COQ8A: variants seen among roughly 807,000 people sequenced by gnomAD.
COQ8A encodes atypical kinase COQ8A, mitochondrial.
Under a neutral mutation model 65.0 loss-of-function variants are expected in COQ8A, and 51 were observed. The observed-to-expected ratio is 0.78, with a 90% CI of 0.63 to 0.99. The LOEUF (loss-of-function observed/expected upper bound fraction) is 0.99, where lower values mean the gene tolerates loss of function less well. Among genes scored for constraint, COQ8A ranks in the 50% least tolerant of loss-of-function variants. COQ8A has a pLI of 0.00. For synonymous variants in COQ8A, 371 were observed against 353.2 expected (o/e 1.05, Z -0.57); for missense variants, 940 against 875.0 (o/e 1.07, Z -0.94).
At chr1:226,962,627 G>A (rs1278997654) in intron 2 of COQ8A, among the ~76,000 whole-genome samples, 4 of 152,182 alleles carry the variant, frequency 2.6e-5, no homozygotes, top group Non-Finnish European at 4.4e-5. Flanking sequence ...AAAGGTCACC[G>A]CCCTCCTGCA....
chr1:226,951,277 A>T (rs114007260), intron 1 of COQ8A, among the ~76,000 whole-genome samples: 5,233 of 152,306 alleles, frequency 0.034, 314 homozygotes, highest in African/African-American at 0.12. Context: ...ATGATTTTAT[A>T]TCAGCCCAAG....
Position 226,961,496 on chromosome 1 carries a change from C to T in COQ8A, c.111C>T (p.Ile37=). 6 of 1,613,930 alleles carry T rather than the reference C, an allele frequency of 3.7e-6. No individual in the cohort carries two copies. The highest frequency in any genetic ancestry group is 5.1e-6 in the Non-Finnish European group (6 of 1,180,002). The change falls in exon 2 of 15, where the codon ATC becomes ATT. Residue 37 remains isoleucine (I), a synonymous_variant. Transcript: ENST00000366777. ...ACTTGGGCATCGGAGGGGAGCTGATCATGGCGGCCAGGGCCCTGCAGTCCA... is the reference window on the plus strand; with the variant it reads ...ACTTGGGCATCGGAGGGGAGCTGATTATGGCGGCCAGGGCCCTGCAGTCCA... ...LQHLGIGGEL[I]MAARALQSTA... is the part of the protein sequence containing the mutation.
intron 1 of COQ8A, among the ~76,000 whole-genome samples, chr1:226,954,119 C>T (rs1248939353): frequency 3.3e-5 from 5 of 152,258 alleles, no homozygotes; most frequent in African/African-American, 1.2e-4. Flanking sequence ...TATCATTAAA[C>T]AGTCCTTGCC....
At chr1:226,985,054 G>A in intron 13 of COQ8A, 113 bp downstream of exon 13, 9 of 1,398,104 alleles carry the variant, frequency 6.4e-6, no homozygotes, top group Non-Finnish European at 9.0e-6. Flanking sequence ...GTCCCCATCT[G>A]CGCTGCCTGC....
intron 14 of COQ8A, 26 bp downstream of exon 14, chr1:226,985,366 TGGGCCTGCTGACCCA>T: frequency 6.2e-7 from 1 of 1,610,330 alleles, no homozygotes; most frequent in Non-Finnish European, 8.5e-7. Context: ...GGGGATCCCC[TGGGCCTGCTGACCCA>T]GGGCCCGGCT....
chr1:226,948,030 C>T (rs1657149704), intron 1 of COQ8A, among the ~76,000 whole-genome samples: 1 of 152,186 alleles, frequency 6.6e-6, no homozygotes, highest in South Asian at 2.1e-4. Context: ...CCCCTCTCCC[C>T]AACCCAAGGA....
chr1:226,984,347 G>A (rs1261752815), intron 11 of COQ8A, 112 bp downstream of exon 11: 2 of 1,509,672 alleles, frequency 1.3e-6, no homozygotes, highest in East Asian at 2.3e-5. Flanking sequence ...CCCTGGGGGT[G>A]AGGGGCAGTG....
intron 14 of COQ8A, among the ~76,000 whole-genome samples, chr1:226,985,557 G>T (rs910518537): frequency 6.6e-6 from 1 of 152,210 alleles, no homozygotes; most frequent in African/African-American, 2.4e-5. Context: ...GACTTGTCGT[G>T]AAGCTCTTGT....
intron 5 of COQ8A, among the ~76,000 whole-genome samples, chr1:226,981,127 G>A (rs1282484145): frequency 2.0e-5 from 3 of 152,236 alleles, no homozygotes; most frequent in Admixed American, 6.5e-5. Context: ...CTGGAGGCCC[G>A]GCGACAAGGG....
intron 4 of COQ8A, 133 bp downstream of exon 4, chr1:226,965,870 G>C: frequency 1.1e-6 from 1 of 918,732 alleles, no homozygotes; most frequent in Non-Finnish European, 1.7e-6. Flanking sequence ...GGCCGCCCCT[G>C]CATGAGCTTT....
intron 1 of COQ8A, among the ~76,000 whole-genome samples, chr1:226,956,818 A>ACT (rs1446629920): frequency 3.2e-5 from 3 of 95,206 alleles, no homozygotes; most frequent in East Asian, 7.1e-4. Context: ...CCTGGCTGCC[A>ACT]CTCCCTGGTT....
At chr1:226,953,325 G>A (rs893860851) in intron 1 of COQ8A, among the ~76,000 whole-genome samples, 14 of 152,208 alleles carry the variant, frequency 9.2e-5, no homozygotes, top group African/African-American at 3.4e-4. Flanking sequence ...ACTGTGCCTG[G>A]CCCACAGTGT....
chr1:226,977,937 C>T (rs1342893816), intron 5 of COQ8A, among the ~76,000 whole-genome samples: 2 of 150,804 alleles, frequency 1.3e-5, no homozygotes, highest in Non-Finnish European at 3.0e-5. Context: ...CCTTGCCCAC[C>T]CACCAAACAC....
intron 5 of COQ8A, among the ~76,000 whole-genome samples, chr1:226,977,985 C>T (rs1659354409): frequency 6.7e-6 from 1 of 150,354 alleles, no homozygotes; most frequent in African/African-American, 2.5e-5. Flanking sequence ...CACTGAACAC[C>T]CACACACCTC....
chr1:226,965,805 G>A, intron 4 of COQ8A, 68 bp downstream of exon 4: 1 of 1,536,460 alleles, frequency 6.5e-7, no homozygotes, highest in Non-Finnish European at 9.0e-7. Context: ...CGGCCTGCAT[G>A]GAGGTGGGGA....
chr1:226,982,013 T>C lies in COQ8A; in HGVS notation c.731-14T>C. On this transcript the variant is annotated splice_polypyrimidine_tract_variant and intron_variant, in intron 5 of 14. Coordinates refer to ENST00000366777, the MANE Select transcript of COQ8A (RefSeq NM_020247.5). The stretch of plus-strand genomic sequence containing the variant: ...CCCCCGAGTGCCGTGGTGACCCCTC[T>C]TGCCCGCCCACAGGGAAGAAGGCCG... The C allele has an allele frequency of 6.2e-7, 1 of 1,612,886 alleles. No individual in the cohort carries two copies. Among genetic ancestry groups the C allele is most frequent in the Non-Finnish European group, 8.5e-7 (1 of 1,179,992 alleles).
At position 226,982,081 on chromosome 1, in the gene COQ8A, G is replaced by A. The variant is rs145422777; in HGVS notation, c.785G>A (p.Arg262Gln). ...SPFLSEANAERIVRTLCKVRG... is the reference protein window; with the variant it reads ...SPFLSEANAEQIVRTLCKVRG... ...TTCCTGTCCGAGGCCAATGCAGAGC[G>A]GATCGTGCGCACGCTCTGCAAGGTG... Residue 262 changes from arginine to glutamine, a missense_variant, in exon 6 of 15, where the codon CGG becomes CAG. By Grantham distance (43) the Arg-to-Gln change is conservative. Coordinates refer to ENST00000366777, the MANE Select transcript of COQ8A (RefSeq NM_020247.5). 31 of 1,612,594 alleles carry A rather than the reference G, an allele frequency of 1.9e-5. No homozygotes were observed. Among genetic ancestry groups the A allele is most frequent in the African/African-American group, 4.0e-5 (3 of 74,912 alleles).
rs1157604975 is a variant in COQ8A at position 226,946,876 on chromosome 1, C to T, written c.-10+6477C>T. On this transcript the variant is annotated intron_variant, in intron 1 of 14. Coordinates refer to ENST00000366777, the MANE Select transcript of COQ8A (RefSeq NM_020247.5). The surrounding 1 kb of genome is among the most constrained non-coding windows in gnomAD (Gnocchi z 5.3). ...CCGTGTGCCCGATGGCTCCTCCTAG[C>T]TCTTGCACACCCAGAGGCAGTCTTC... Among the ~76,000 whole-genome samples, 1 of 152,048 alleles carries T rather than the reference C, an allele frequency of 6.6e-6. No homozygotes were observed. The highest frequency in any genetic ancestry group is 1.9e-4 in the East Asian group (1 of 5,186).
chr1:226,960,583 TTGG>T (rs1300361768), intron 1 of COQ8A, among the ~76,000 whole-genome samples: 16 of 129,580 alleles, frequency 1.2e-4, no homozygotes, highest in Admixed American at 6.2e-4. Flanking sequence ...GTGGTGGTGC[TTGG>T]TGGTGGTGGT....
Sources: gnomAD v4.1 joint callset for allele counts (sites outside exome capture counted in the v4.1 genomes callset) on GRCh38, gnomAD v4.1.1 for gene constraint, Gnocchi (gnomAD v3.1) non-coding constraint, MANE v1.5 for transcripts, NCBI Gene and HGNC (gene_info 2026-07-23, HGNC 2026-07-21) for gene names.